Variants in RFWD3 observed in about 807,000 individuals in gnomAD.
The protein encoded by RFWD3 is ring finger and WD repeat domain 3.
A neutral mutation model predicts 87.7 loss-of-function variants in RFWD3; 65 were observed. The observed-to-expected ratio is 0.74, with a 90% CI of 0.61 to 0.91. The LOEUF is 0.91. RFWD3 is among the 40% of genes least tolerant of loss of function. RFWD3 has a pLI of 0.00. For synonymous variants in RFWD3, 433 were observed against 352.8 expected (o/e 1.23, Z -2.55); for missense variants, 1,078 against 938.5 (o/e 1.15, Z -1.94).
intron 6 of RFWD3, among the ~76,000 whole-genome samples, chr16:74,639,160 C>T (rs1226620177): frequency 1.3e-5 from 2 of 151,866 alleles, no homozygotes; most frequent in Admixed American, 6.6e-5. Flanking sequence ...GCCTCAGCCT[C>T]CCAAGTAGCT....
chr16:74,656,493 T>TC (rs1961000350), intron 2 of RFWD3, among the ~76,000 whole-genome samples: 1 of 152,028 alleles, frequency 6.6e-6, no homozygotes, highest in Admixed American at 6.6e-5. Context: ...TCTTTTTTTT[T>TC]CTTTTTGGAG....
At chr16:74,625,287 G>T (rs1008138230) in intron 12 of RFWD3, among the ~76,000 whole-genome samples, 2 of 151,858 alleles carry the variant, frequency 1.3e-5, no homozygotes, top group African/African-American at 4.8e-5. Context: ...CTGTGAGGCT[G>T]AGGTGAGAAG....
chr16:74,665,583 A>C (rs182041998), intron 1 of RFWD3, among the ~76,000 whole-genome samples: 22 of 152,168 alleles, frequency 1.4e-4, no homozygotes, highest in Non-Finnish European at 2.8e-4. Context: ...ATCTCAAAAA[A>C]AGAAAGAAAA....
intron 4 of RFWD3, among the ~76,000 whole-genome samples, chr16:74,646,920 AACAACAACAAC>A (rs1960192746): frequency 6.6e-6 from 1 of 151,444 alleles, no homozygotes; most frequent in Admixed American, 6.6e-5. Flanking sequence ...CAACAACAAC[AACAACAACAAC>A]AACAAAATTA....
chr16:74,624,044 G>C lies in RFWD3; in HGVS notation c.2209C>G (p.Leu737Val), dbSNP rs761470028. Reference sequence around the variant, plus strand: ...GGCTGATCGGTCTGTAGGTCCTGGAGCAACGAGCCACTGGCAGCATCCCAC... The same window carrying C: ...GGCTGATCGGTCTGTAGGTCCTGGACCAACGAGCCACTGGCAGCATCCCAC... The part of the protein sequence containing the change: ...LLWDAASGSL[L>V]QDLQTDQPVL... Residue 737 changes from leucine (L) to valine (V), a missense_variant, in exon 13 of 13, where the codon CTC becomes GTC. Transcript: ENST00000361070. 3.7e-6 allele frequency: 6 copies of C among 1,613,606 alleles called. No homozygotes were observed. The highest frequency in any genetic ancestry group is 5.1e-6 in the Non-Finnish European group (6 of 1,179,940).
intron 7 of RFWD3, 85 bp from the exon 8 acceptor site, chr16:74,636,662 AT>A: frequency 1.9e-6 from 2 of 1,026,456 alleles, no homozygotes; most frequent in Non-Finnish European, 2.8e-6. Flanking sequence ...TTACAGGAAG[AT>A]TTTTTATCCA....
At chr16:74,642,284 G>A (rs1011653214) in intron 6 of RFWD3, among the ~76,000 whole-genome samples, 2 of 151,704 alleles carry the variant, frequency 1.3e-5, no homozygotes, top group Non-Finnish European at 2.9e-5. Context: ...CACCACATCC[G>A]GATAATTTTT....
At chr16:74,639,744 G>C (rs1186613407) in intron 6 of RFWD3, among the ~76,000 whole-genome samples, 1 of 152,054 alleles carries the variant, frequency 6.6e-6, no homozygotes, top group Non-Finnish European at 1.5e-5. Context: ...GAACAAAATG[G>C]GGGAACATAT....
rs1285494788 is a variant in RFWD3 at position 74,666,782 on chromosome 16, T to A, written c.-3+4A>T. On this transcript the variant is annotated splice_donor_region_variant and intron_variant, in intron 1 of 12. Transcript: ENST00000361070. ...GCCTGAGGAGAAGCAACACCCCTCC[T>A]CACCTGAAACCAGCAGGCCGCGGCC... The A allele has an allele frequency of 1.4e-5, 1 of 73,290 alleles. No individual in the cohort carries two copies. The highest frequency in any genetic ancestry group is 9.9e-4 in the East Asian group (1 of 1,012). 4.5% of individuals were successfully genotyped at this position (73,290 alleles called of 1,614,324 possible).
chr16:74,656,400 T>C (rs1045591548), intron 2 of RFWD3, among the ~76,000 whole-genome samples: 1 of 152,080 alleles, frequency 6.6e-6, no homozygotes, highest in African/African-American at 2.4e-5. Flanking sequence ...TTATTTTTTT[T>C]AATTTCTTAA....
intron 4 of RFWD3, among the ~76,000 whole-genome samples, chr16:74,647,663 C>T (rs1245477350): frequency 6.6e-6 from 1 of 152,130 alleles, no homozygotes; most frequent in Non-Finnish European, 1.5e-5. Context: ...GCTATTTGGG[C>T]TCACTGCAAC....
intron 7 of RFWD3, among the ~76,000 whole-genome samples, chr16:74,637,365 G>A (rs936127121): frequency 2.6e-5 from 4 of 152,084 alleles, no homozygotes; most frequent in Non-Finnish European, 5.9e-5. Context: ...CAGTGCTCAC[G>A]CCTGTAATCC....
At chr16:74,624,232 A>T (rs1009045178) in intron 12 of RFWD3, among the ~76,000 whole-genome samples, 161 bp from the exon 13 acceptor site, 3 of 152,220 alleles carry the variant, frequency 2.0e-5, no homozygotes, top group Non-Finnish European at 4.4e-5. Context: ...AAGTCAGCAC[A>T]CCTGACATAG....
intron 6 of RFWD3, among the ~76,000 whole-genome samples, chr16:74,642,402 G>C (rs147795772): frequency 4.4e-4 from 67 of 152,248 alleles, no homozygotes; most frequent in African/African-American, 1.6e-3. Context: ...AGGATTTCAG[G>C]TGTGAGCCAC....
At chr16:74,642,992 T>G (rs1439217385) in intron 6 of RFWD3, among the ~76,000 whole-genome samples, 1 of 152,204 alleles carries the variant, frequency 6.6e-6, no homozygotes, top group Non-Finnish European at 1.5e-5. Context: ...CAGCCACACG[T>G]ATAGATTTTG....
chr16:74,659,458 G>A (rs1233913981), intron 2 of RFWD3, among the ~76,000 whole-genome samples: 2 of 152,150 alleles, frequency 1.3e-5, no homozygotes, highest in African/African-American at 2.4e-5. Context: ...AGCCAAGCCT[G>A]CTGGTGCACG....
At chr16:74,663,059 C>T (rs1654863415) in intron 1 of RFWD3, among the ~76,000 whole-genome samples, 1 of 152,008 alleles carries the variant, frequency 6.6e-6, no homozygotes, top group African/African-American at 2.4e-5. Flanking sequence ...TGCCTGCCAC[C>T]ACGCCTGGCT....
At chr16:74,663,856 A>C (rs1463218875) in intron 1 of RFWD3, among the ~76,000 whole-genome samples, 1 of 152,198 alleles carries the variant, frequency 6.6e-6, no homozygotes, top group East Asian at 1.9e-4. Flanking sequence ...GGGACTGTAA[A>C]AACCAGGTAC....
At chr16:74,630,715 C>T (rs952619789) in intron 10 of RFWD3, 66 bp downstream of exon 10, 5 of 1,411,488 alleles carry the variant, frequency 3.5e-6, no homozygotes, top group Non-Finnish European at 4.7e-6. Flanking sequence ...ACTGAAGAGA[C>T]GATTAACACA....
Sources: gnomAD v4.1 joint callset for allele counts (sites outside exome capture counted in the v4.1 genomes callset) on GRCh38, gnomAD v4.1.1 for gene constraint, MANE v1.5 for transcripts, NCBI Gene and HGNC (gene_info 2026-07-23, HGNC 2026-07-21) for gene names.